Variants in CDC37L1 observed in about 807,000 individuals in gnomAD.
The protein encoded by CDC37L1 is cell division cycle 37 like 1, HSP90 cochaperone, also known as hsp90 co-chaperone Cdc37-like 1.
In CDC37L1, 32 loss-of-function variants were observed where a neutral mutation model predicts 45.9. The ratio of observed to expected loss-of-function variants is 0.70; its 90% CI spans 0.53 to 0.94. CDC37L1 has a LOEUF of 0.94. CDC37L1 is among the 40% of genes least tolerant of loss of function. The pLI is 0.00. For synonymous variants in CDC37L1, 150 were observed against 133.0 expected (o/e 1.13, Z -0.88); for missense variants, 434 against 405.7 (o/e 1.07, Z -0.60).
chr9:4,693,453 GAAAT>G (rs761959671), intron 3 of CDC37L1, among the ~76,000 whole-genome samples: 1 of 151,654 alleles, frequency 6.6e-6, no homozygotes, highest in East Asian at 1.9e-4. Flanking sequence ...TCAAGATAAA[GAAAT>G]AAATTAATTA....
chr9:4,695,430 C>T (rs1427302227), intron 3 of CDC37L1, among the ~76,000 whole-genome samples: 1 of 152,114 alleles, frequency 6.6e-6, no homozygotes, highest in African/African-American at 2.4e-5. Flanking sequence ...ATGTCCAAAG[C>T]GTTGGGGAAA....
Position 4,708,137 on chromosome 9 carries a change from ATAGT to A in CDC37L1, c.*2029_*2032del, listed in dbSNP as rs753189767. 10 of 152,274 alleles carry A rather than the reference ATAGT, an allele frequency of 6.6e-5. No individual in the cohort carries two copies. Among genetic ancestry groups the A allele is most frequent in the South Asian group, 2.1e-4 (1 of 4,836 alleles). The allele number at this position is 152,274 out of a possible 1,614,324, so 9.4% of individuals were successfully genotyped here. A position where few individuals can be genotyped will look rare whatever the true frequency, so the allele number is the denominator to read the frequency against. On this transcript the variant is annotated 3_prime_UTR_variant, in exon 7 of 7. Transcript: ENST00000381854. The stretch of plus-strand genomic sequence containing the variant: ...TTTGCACTTAAAGGCTATAAATTAC[ATAGT>A]TAGCCGTACTTTAGTACTAGAAACA...
chr9:4,696,953 G>A (rs960765052), intron 3 of CDC37L1, 143 bp from the exon 4 acceptor site: 2 of 568,128 alleles, frequency 3.5e-6, no homozygotes, highest in South Asian at 4.4e-5. Flanking sequence ...ATAATCTGTT[G>A]CTCTGGTAAT....
Position 4,694,743 on chromosome 9 carries a change from C to T in CDC37L1, c.509-2353C>T, listed in dbSNP as rs1467230555. ...AAAATTAACTGGGCGTGGTGACACA[C>T]GCCTGTAATCCCAGCTTCCAGGAGG... On this transcript the variant is annotated intron_variant, in intron 3 of 6. Coordinates refer to ENST00000381854, the MANE Select transcript of CDC37L1 (RefSeq NM_017913.4). Among the ~76,000 whole-genome samples, 8 of 151,944 alleles carry T rather than the reference C, an allele frequency of 5.3e-5. 1 individual carries two copies. Among genetic ancestry groups the T allele is most frequent in the South Asian group, 2.1e-4 (1 of 4,818 alleles).
At chr9:4,681,022 A>G (rs1367490265) in intron 1 of CDC37L1, among the ~76,000 whole-genome samples, 1 of 152,244 alleles carries the variant, frequency 6.6e-6, no homozygotes, top group Admixed American at 6.5e-5. Flanking sequence ...TTAGGAGGAC[A>G]GAATGAGAGT....
chr9:4,680,148 C>G (rs779585183), intron 1 of CDC37L1, among the ~76,000 whole-genome samples: 2 of 152,178 alleles, frequency 1.3e-5, no homozygotes, highest in African/African-American at 2.4e-5. Flanking sequence ...TTGGCTGATT[C>G]CTGTTCACTC....
At chr9:4,698,759 CATA>C (rs1841371742) in intron 5 of CDC37L1, among the ~76,000 whole-genome samples, 1 of 152,074 alleles carries the variant, frequency 6.6e-6, no homozygotes, top group South Asian at 2.1e-4. Flanking sequence ...AAACTATTTT[CATA>C]ATAATACCAA....
chr9:4,693,065 A>G (rs1027029129), intron 3 of CDC37L1, among the ~76,000 whole-genome samples: 1 of 152,198 alleles, frequency 6.6e-6, no homozygotes, highest in Non-Finnish European at 1.5e-5. Flanking sequence ...ATGATCATAC[A>G]ACTTTCCTCA....
In CDC37L1 at chr9:4,706,201, C is replaced by CCTG; in HGVS notation, c.*89_*90insCTG. 3.3e-6 allele frequency: 2 copies of CCTG among 607,018 alleles called. No homozygotes were observed. Among genetic ancestry groups the CCTG allele is most frequent in the Admixed American group, 2.6e-5 (1 of 38,004 alleles). The allele number at this position is 607,018 out of a possible 1,614,324, so 37.6% of individuals were successfully genotyped here. ...TCTTGACACTTTTATGGGTGCTGCA[C>CCTG]TTTATTTTTGTTCGGTTTTTGATGG... On this transcript the variant is annotated 3_prime_UTR_variant, in exon 7 of 7. Coordinates refer to ENST00000381854, the MANE Select transcript of CDC37L1 (RefSeq NM_017913.4).
chr9:4,684,296 A>G (rs981964305), intron 1 of CDC37L1, among the ~76,000 whole-genome samples: 1 of 152,184 alleles, frequency 6.6e-6, no homozygotes, highest in Non-Finnish European at 1.5e-5. Context: ...ATATATATAT[A>G]TATAATTTGC....
intron 3 of CDC37L1, among the ~76,000 whole-genome samples, chr9:4,690,772 T>G (rs1021245107): frequency 6.6e-6 from 1 of 152,212 alleles, no homozygotes; most frequent in African/African-American, 2.4e-5. Flanking sequence ...AAAATGCATG[T>G]TGTCTTTAAC....
In CDC37L1 at chr9:4,696,363, G is replaced by A. The variant is rs191421227; in HGVS notation, c.509-733G>A. 7.2e-5 allele frequency among the ~76,000 whole-genome samples: 11 copies of A among 152,206 alleles called. No individual in the cohort carries two copies. The East Asian group carries it at 1.9e-3, about 27-fold the overall frequency. ...TTGCTATATTGAATTTATTCAGTTA[G>A]CCAGGCACAGTGGCTCATGCCCATA... is the stretch of plus-strand genomic sequence containing the variant. On this transcript the variant is annotated intron_variant, in intron 3 of 6. Transcript: ENST00000381854.
Position 4,708,007 on chromosome 9 carries a change from C to T in CDC37L1, c.*1895C>T, listed in dbSNP as rs1249386070. On this transcript the variant is annotated 3_prime_UTR_variant, in exon 7 of 7. Transcript: ENST00000381854. ...TCTTGAGGGGCACTGAAAAGATGTT[C>T]TTTGAAACTTGATTTATATATTTTT... 1 of 152,168 alleles carries T rather than the reference C, an allele frequency of 6.6e-6. No homozygotes were observed. The highest frequency in any genetic ancestry group is 1.5e-5 in the Non-Finnish European group (1 of 68,024). The allele number at this position is 152,168 out of a possible 1,614,324, so 9.4% of individuals were successfully genotyped here.
At chr9:4,689,499 C>CTTTAAATT (rs1771630882) in intron 3 of CDC37L1, among the ~76,000 whole-genome samples, 1 of 151,840 alleles carries the variant, frequency 6.6e-6, no homozygotes, top group Admixed American at 6.6e-5. Context: ...ATAAATATTA[C>CTTTAAATT]TTTAAATTTT....
At chr9:4,702,408 G>A (rs890696297) in intron 6 of CDC37L1, among the ~76,000 whole-genome samples, 9 of 152,136 alleles carry the variant, frequency 5.9e-5, no homozygotes, top group Non-Finnish European at 1.0e-4. Flanking sequence ...GCTTCAAAGT[G>A]GACATGCACA....
At chr9:4,702,057 A>G (rs750031845) in intron 6 of CDC37L1, 29 bp downstream of exon 6, 2 of 1,205,062 alleles carry the variant, frequency 1.7e-6, no homozygotes, top group Non-Finnish European at 2.2e-6. Context: ...TATTTGTTTT[A>G]TAAGCCTATT....
At chr9:4,703,033 A>G in intron 6 of CDC37L1, 1 of 1,508,608 alleles carries the variant, frequency 6.6e-7, no homozygotes, top group Non-Finnish European at 8.9e-7. Flanking sequence ...ATTCCTACCC[A>G]TTTGATTTTA....
intron 6 of CDC37L1, among the ~76,000 whole-genome samples, chr9:4,705,172 C>T (rs1157977345): frequency 6.6e-6 from 1 of 152,114 alleles, no homozygotes; most frequent in Non-Finnish European, 1.5e-5. Context: ...ACTGTCCTCA[C>T]TGGTGTTTAT....
At position 4,679,913 on chromosome 9, in the gene CDC37L1, T is replaced by G; in HGVS notation, c.132+14T>G. The G allele has an allele frequency of 6.2e-7, 1 of 1,613,322 alleles. No individual in the cohort carries two copies. The highest frequency in any genetic ancestry group is 8.5e-7 in the Non-Finnish European group (1 of 1,179,776). On this transcript the variant is annotated intron_variant, in intron 1 of 6. Coordinates refer to ENST00000381854, the MANE Select transcript of CDC37L1 (RefSeq NM_017913.4). Reference sequence around the variant, plus strand: ...GGCGGCGCCCAGGTGAGAAGGGGCCTGCGTTCTGCGGAGGGATGGAGTGGT... The same window carrying G: ...GGCGGCGCCCAGGTGAGAAGGGGCCGGCGTTCTGCGGAGGGATGGAGTGGT...
Sources: allele counts gnomAD v4.1 joint callset (sites outside exome capture counted in the v4.1 genomes callset), GRCh38; gene constraint gnomAD v4.1.1; transcripts MANE v1.5; gene names NCBI Gene and HGNC (gene_info 2026-07-23, HGNC 2026-07-21).